CAPZA1: variants seen among roughly 807,000 people sequenced by gnomAD.
CAPZA1 encodes the protein F-actin-capping protein subunit alpha-1.
In CAPZA1, 10 loss-of-function variants were observed where a neutral mutation model predicts 40.8. The ratio of observed to expected loss-of-function variants is 0.25; its 90% confidence interval spans 0.15 to 0.42. The LOEUF (loss-of-function observed/expected upper bound fraction) is 0.42, where lower values mean the gene tolerates loss of function less well. Ranked by LOEUF, CAPZA1 falls within the 10% of genes least tolerant of loss-of-function variation. The pLI is 1.00. For synonymous variants in CAPZA1, 98 were observed against 115.0 expected (o/e 0.85, Z 0.95); for missense variants, 277 against 353.8 (o/e 0.78, Z 1.74).
chr1:112,641,011 T>A lies in CAPZA1; in HGVS notation c.40-6199T>A, dbSNP rs544640477. On this transcript the variant is annotated intron_variant, in intron 1 of 9. Coordinates refer to ENST00000263168, the MANE Select transcript of CAPZA1 (RefSeq NM_006135.3). ...TGCAAGATGTGCTTTGTTAAACAGA[T>A]GCTTGAAGGCAGCATGCTCATTAAG... 9.1e-4 allele frequency among the ~76,000 whole-genome samples: 139 copies of A among 152,296 alleles called. 1 individual carries two copies. The highest frequency in any genetic ancestry group is 3.2e-3 in the African/African-American group (134 of 41,558).
At chr1:112,666,367 C>T (rs1328124154) in intron 7 of CAPZA1, among the ~76,000 whole-genome samples, 1 of 152,164 alleles carries the variant, frequency 6.6e-6, no homozygotes, top group African/African-American at 2.4e-5. Context: ...ATACCCTCAT[C>T]CTATTGTGTA....
intron 1 of CAPZA1, among the ~76,000 whole-genome samples, chr1:112,635,425 G>C (rs1241360303): frequency 6.6e-6 from 1 of 152,160 alleles, no homozygotes; most frequent in Non-Finnish European, 1.5e-5. Flanking sequence ...TTGCTGATAA[G>C]TGGAATGTGG....
chr1:112,669,878 C>G (rs1671796697), intron 9 of CAPZA1, 114 bp from the exon 10 acceptor site: 2 of 1,129,048 alleles, frequency 1.8e-6, no homozygotes, highest in African/African-American at 3.1e-5. Flanking sequence ...AATAATATAT[C>G]CTGTCTATCC....
At chr1:112,628,628 T>C (rs1268188798) in intron 1 of CAPZA1, among the ~76,000 whole-genome samples, 1 of 152,216 alleles carries the variant, frequency 6.6e-6, no homozygotes, top group Non-Finnish European at 1.5e-5. Context: ...CGTCTTTGTA[T>C]AACAGCATTG....
In CAPZA1 at chr1:112,670,004, GA is replaced by G; in HGVS notation, c.737del (p.Asn246ThrfsTer44). The G allele has an allele frequency of 6.2e-7, 1 of 1,613,786 alleles. No individual in the cohort carries two copies. The highest frequency in any genetic ancestry group is 8.5e-7 in the Non-Finnish European group (1 of 1,179,816). On this transcript the variant is annotated frameshift_variant, in exon 10 of 10. Coordinates refer to ENST00000263168, the MANE Select transcript of CAPZA1 (RefSeq NM_006135.3). LOFTEE classifies it high-confidence loss of function. ...TTATCTATTGCAGACAGCAATTAGT[GA>G]AAACTATCAAACAATGTCAGATACC... ...AENEYQTAISENYQTMSDTTF... is the reference protein window; with the variant it reads ...AENEYQTAISXNYQTMSDTTF...
chr1:112,666,935 C>A, intron 7 of CAPZA1, 139 bp from the exon 8 acceptor site: 1 of 599,836 alleles, frequency 1.7e-6, no homozygotes, highest in Non-Finnish European at 3.0e-6. Flanking sequence ...TGAATTACCA[C>A]TGCTTATATT....
intron 2 of CAPZA1, among the ~76,000 whole-genome samples, chr1:112,648,364 T>C (rs1671322320): frequency 6.7e-6 from 1 of 148,420 alleles, no homozygotes; most frequent in Non-Finnish European, 1.5e-5. Flanking sequence ...TTTTTTTTTT[T>C]TTTTTGACGG....
intron 1 of CAPZA1, among the ~76,000 whole-genome samples, chr1:112,627,919 C>T (rs1426443188): frequency 6.6e-6 from 1 of 151,966 alleles, no homozygotes; most frequent in Non-Finnish European, 1.5e-5. Context: ...AAGATTGCGC[C>T]ATTGCACTCC....
chr1:112,640,267 A>G (rs1228375187), intron 1 of CAPZA1, among the ~76,000 whole-genome samples: 1 of 106,542 alleles, frequency 9.4e-6, no homozygotes, highest in Non-Finnish European at 1.9e-5. Flanking sequence ...CCTACTGGGA[A>G]GTGAGGAGCC....
At chr1:112,634,923 T>C (rs182687213) in intron 1 of CAPZA1, 1 of 152,284 alleles carries the variant, frequency 6.6e-6, no homozygotes, top group African/African-American at 2.4e-5. Flanking sequence ...TAGTACCTCA[T>C]AATAATCTTT....
chr1:112,626,981 G>A (rs923717070), intron 1 of CAPZA1, among the ~76,000 whole-genome samples: 2 of 152,194 alleles, frequency 1.3e-5, no homozygotes, highest in African/African-American at 4.8e-5. Flanking sequence ...TTACATCTGG[G>A]TAACATTTAA....
intron 5 of CAPZA1, 135 bp from the exon 6 acceptor site, chr1:112,658,887 C>T (rs952924531): frequency 3.0e-6 from 2 of 658,662 alleles, no homozygotes; most frequent in East Asian, 5.2e-5. Context: ...ATCCCATGTG[C>T]ACTATTGTGT....
rs1553180448 is a variant in CAPZA1 at position 112,656,466 on chromosome 1, T to TTTTTTTTC, written c.426+1795_426+1796insTTTTTTTC. 5.0e-3 allele frequency among the ~76,000 whole-genome samples: 470 copies of TTTTTTTTC among 94,392 alleles called. 96 individuals are homozygous for TTTTTTTTC. Among genetic ancestry groups the TTTTTTTTC allele is most frequent in the South Asian group, 0.039 (86 of 2,228 alleles). The allele number at this position is 94,392 out of a possible 152,430, so 61.9% of individuals were successfully genotyped here. A position where few individuals can be genotyped will look rare whatever the true frequency, so the allele number is the denominator to read the frequency against. On this transcript the variant is annotated intron_variant, in intron 5 of 9. Transcript: ENST00000263168. ...TTTTTTTTTTTTTTTTTTTTTTTTT[T>TTTTTTTTC]AATGAGAATACCCATTATGGTGGAC...
chr1:112,638,560 C>T (rs1671066088), intron 1 of CAPZA1, among the ~76,000 whole-genome samples: 1 of 151,836 alleles, frequency 6.6e-6, no homozygotes. Context: ...ATTGATCCAC[C>T]CACCTCAGCC....
intron 7 of CAPZA1, 120 bp from the exon 8 acceptor site, chr1:112,666,954 G>C (rs984101082): frequency 1.2e-4 from 77 of 625,098 alleles, no homozygotes; most frequent in Middle Eastern, 1.0e-3. Flanking sequence ...TTAATTATTT[G>C]TTCAGAGTTG....
At chr1:112,662,235 A>G (rs533796165) in intron 7 of CAPZA1, among the ~76,000 whole-genome samples, 3 of 152,032 alleles carry the variant, frequency 2.0e-5, no homozygotes, top group Non-Finnish European at 4.4e-5. Flanking sequence ...CATCCTCCCA[A>G]GCACCTAGTG....
chr1:112,643,085 C>T lies in CAPZA1; in HGVS notation c.40-4125C>T, dbSNP rs568590222. 3.4e-5 allele frequency among the ~76,000 whole-genome samples: 3 copies of T among 87,258 alleles called. No homozygotes were observed. The East Asian group carries it at 1.3e-3, about 37-fold the overall frequency. The allele number at this position is 87,258 out of a possible 152,430, so 57.2% of individuals were successfully genotyped here. On this transcript the variant is annotated intron_variant, in intron 1 of 9. Transcript: ENST00000263168. ...CATAGCTCACTCCACAGATTTGTCA[C>T]AAATAGACCAAAAAAAAAGGTTTAT...
At chr1:112,639,987 C>G (rs1404724757) in intron 1 of CAPZA1, among the ~76,000 whole-genome samples, 11 of 134,642 alleles carry the variant, frequency 8.2e-5, no homozygotes, top group East Asian at 2.5e-4. Flanking sequence ...CCCGCCCGGC[C>G]AGCCGCCCCG....
At chr1:112,669,402 A>G (rs1671786750) in intron 8 of CAPZA1, 141 bp from the exon 9 acceptor site, 3 of 679,520 alleles carry the variant, frequency 4.4e-6, no homozygotes, top group South Asian at 3.3e-5. Flanking sequence ...GTGAGAATCA[A>G]AGGAGGGTAG....
Sources: allele counts gnomAD v4.1 joint callset (sites outside exome capture counted in the v4.1 genomes callset), GRCh38; gene constraint gnomAD v4.1.1; transcripts MANE v1.5; gene names NCBI Gene and HGNC (gene_info 2026-07-23, HGNC 2026-07-21).